The following GLIS1 variants were observed in gnomAD, a reference collection of about 807,000 sequenced individuals.
GLIS1 encodes the protein GLIS family zinc finger 1.
GLIS1 carries 24 observed loss-of-function variants against 63.8 expected under a neutral mutation model. The ratio of observed to expected loss-of-function variants is 0.38; its 90% CI spans 0.27 to 0.53. The LOEUF is 0.53. GLIS1 is among the 20% of genes least tolerant of loss of function. The probability of loss-of-function intolerance (pLI) is 0.85; values close to 1 mark genes in which losing one functional copy is unlikely to be tolerated. For synonymous variants in GLIS1, 450 were observed against 482.5 expected (o/e 0.93, Z 0.88); for missense variants, 1,036 against 1,074.1 (o/e 0.96, Z 0.50).
chr1:53,662,628 G>C (rs1280255766), intron 2 of GLIS1, among the ~76,000 whole-genome samples: 1 of 152,054 alleles, frequency 6.6e-6, no homozygotes, highest in Non-Finnish European at 1.5e-5. Context: ...TTTCTAACAG[G>C]CTTAGCCAAC....
chr1:53,672,226 T>C (rs943026960), intron 2 of GLIS1, among the ~76,000 whole-genome samples: 3 of 152,156 alleles, frequency 2.0e-5, no homozygotes, highest in African/African-American at 7.2e-5. Context: ...AGAGTAGAGT[T>C]AGGAAGCAGT....
At chr1:53,542,453 C>T (rs1396549640) in intron 4 of GLIS1, among the ~76,000 whole-genome samples, 2 of 152,180 alleles carry the variant, frequency 1.3e-5, no homozygotes, top group East Asian at 1.9e-4. Flanking sequence ...AGCGGGTGTT[C>T]GTGAACATCT....
At chr1:53,630,193 A>G in intron 2 of GLIS1, among the ~76,000 whole-genome samples, 1 of 152,182 alleles carries the variant, frequency 6.6e-6, no homozygotes, top group Non-Finnish European at 1.5e-5. Context: ...CATCTTTAGA[A>G]CGGCTGCATA....
Position 53,561,664 on chromosome 1 carries a change from T to C in GLIS1, c.1321-31712A>G, listed in dbSNP as rs149097869. ...GGCCTGGGGTGGGGGCTGGCTGCAC[T>C]CACTCAGGAAGCTCAGAACATGCTG... is the stretch of plus-strand genomic sequence containing the variant. On this transcript the variant is annotated intron_variant, in intron 4 of 10. Transcript: ENST00000628545. Among the ~76,000 whole-genome samples, 11 of 152,284 alleles carry C rather than the reference T, an allele frequency of 7.2e-5. No homozygotes were observed. In the East Asian group the frequency reaches 2.1e-3, roughly 29 times the overall value.
intron 2 of GLIS1, among the ~76,000 whole-genome samples, chr1:53,651,527 T>A (rs1380553482): frequency 6.6e-6 from 1 of 152,168 alleles, no homozygotes; most frequent in Non-Finnish European, 1.5e-5. Flanking sequence ...GGGGGGCGAC[T>A]GCCTCTTGGG....
In GLIS1 at chr1:53,523,819, T is replaced by C. The variant is rs562443390; in HGVS notation, c.1593+958A>G. On this transcript the variant is annotated intron_variant, in intron 6 of 10. Coordinates refer to ENST00000628545, the MANE Select transcript of GLIS1 (RefSeq NM_001367484.1). The stretch of plus-strand genomic sequence containing the variant: ...CTCAGGGTTACCTCTCAAGGTGCCA[T>C]GTCCCTGCTCTGCTTAAGACCTCTC... Among the ~76,000 whole-genome samples, 11 of 152,282 alleles carry C rather than the reference T, an allele frequency of 7.2e-5. 1 individual carries two copies. Among genetic ancestry groups the C allele is most frequent in the South Asian group, 4.1e-4 (2 of 4,828 alleles).
chr1:53,711,683 A>G (rs1646648540), intron 2 of GLIS1, among the ~76,000 whole-genome samples: 1 of 152,244 alleles, frequency 6.6e-6, no homozygotes, highest in African/African-American at 2.4e-5. Context: ...GAACTGTTTC[A>G]TTAGCCCAAT....
At chr1:53,579,413 C>T (rs1259969070) in intron 4 of GLIS1, among the ~76,000 whole-genome samples, 1 of 152,254 alleles carries the variant, frequency 6.6e-6, no homozygotes, top group East Asian at 1.9e-4. Context: ...CTCTAGGTAA[C>T]CACCTCAGAC....
At chr1:53,579,302 C>T (rs1170412452) in intron 4 of GLIS1, among the ~76,000 whole-genome samples, 3 of 152,222 alleles carry the variant, frequency 2.0e-5, no homozygotes, top group Admixed American at 2.0e-4. Context: ...CAGGCCTACT[C>T]CATGCTTCTC....
At chr1:53,682,030 G>A (rs960033326) in intron 2 of GLIS1, among the ~76,000 whole-genome samples, 4 of 152,204 alleles carry the variant, frequency 2.6e-5, no homozygotes, top group African/African-American at 7.2e-5. Context: ...CAACTAATTC[G>A]TTGGCTCTTA....
At chr1:53,679,529 A>G (rs549662531) in intron 2 of GLIS1, among the ~76,000 whole-genome samples, 50 of 152,246 alleles carry the variant, frequency 3.3e-4, no homozygotes, top group Non-Finnish European at 6.5e-4. Context: ...TGCCCAAACC[A>G]CAGGCTGCCT....
chr1:53,546,639 G>A (rs1644702239), intron 4 of GLIS1, among the ~76,000 whole-genome samples: 1 of 152,216 alleles, frequency 6.6e-6, no homozygotes, highest in South Asian at 2.1e-4. Context: ...CCATCCAGCA[G>A]TGCCAATACA....
At chr1:53,643,680 G>A (rs1159080330) in intron 2 of GLIS1, among the ~76,000 whole-genome samples, 6 of 152,168 alleles carry the variant, frequency 3.9e-5, no homozygotes, top group East Asian at 1.9e-4. Flanking sequence ...TCCACACCAC[G>A]AACATGAGCG....
chr1:53,718,102 T>C (rs935077379), intron 2 of GLIS1, among the ~76,000 whole-genome samples: 9 of 152,216 alleles, frequency 5.9e-5, no homozygotes, highest in African/African-American at 1.4e-4. Context: ...GTGGTGGGAT[T>C]TGGGATAAGG....
At chr1:53,727,259 C>G (rs1646814475) in intron 2 of GLIS1, among the ~76,000 whole-genome samples, 2 of 152,210 alleles carry the variant, frequency 1.3e-5, no homozygotes, top group Admixed American at 1.3e-4. Context: ...GAAAGCTTTA[C>G]AGTTTACAAA....
rs758646195 is a variant in GLIS1, at chr1:53,509,105, G to A, written c.2230+15C>T. On this transcript the variant is annotated intron_variant, in intron 10 of 10. Transcript: ENST00000628545. ...GCAGGTGCCCAGGACTGGGAGCCAC[G>A]CAGGCAGGGCTCACCTGTGGCAGGC... 9 of 1,553,136 alleles carry A rather than the reference G, an allele frequency of 5.8e-6. No homozygotes were observed. Among genetic ancestry groups the A allele is most frequent in the East Asian group, 4.7e-5 (2 of 42,698 alleles).
At chr1:53,506,912 C>G in intron 10 of GLIS1, 136 bp from the exon 11 acceptor site, 1 of 915,828 alleles carries the variant, frequency 1.1e-6, no homozygotes, top group Non-Finnish European at 1.6e-6. Context: ...CTGCTTGGAG[C>G]CCCCAACTTT....
intron 2 of GLIS1, among the ~76,000 whole-genome samples, chr1:53,736,498 G>C (rs561786721): frequency 6.6e-6 from 1 of 152,040 alleles, no homozygotes; most frequent in Non-Finnish European, 1.5e-5. Context: ...GGGAGCTCCC[G>C]GCAGCAAACA....
chr1:53,537,585 C>A (rs192981130), intron 4 of GLIS1, among the ~76,000 whole-genome samples: 34 of 152,278 alleles, frequency 2.2e-4, no homozygotes, highest in African/African-American at 6.3e-4. Context: ...CCACCACAAA[C>A]GGCTGGTAGA....
Sources: gnomAD v4.1 joint callset for allele counts (sites outside exome capture counted in the v4.1 genomes callset) on GRCh38, gnomAD v4.1.1 for gene constraint, MANE v1.5 for transcripts, NCBI Gene and HGNC (gene_info 2026-07-23, HGNC 2026-07-21) for gene names.